SVIL: variants seen among roughly 807,000 people sequenced by gnomAD.
SVIL encodes supervillin.
In SVIL, 101 loss-of-function variants were observed where a neutral mutation model predicts 240.4. The ratio of observed to expected loss-of-function variants is 0.42; its 90% CI spans 0.36 to 0.50. The LOEUF (loss-of-function observed/expected upper bound fraction) is 0.50, where lower values mean the gene tolerates loss of function less well. Among genes scored for constraint, SVIL ranks in the 20% least tolerant of loss-of-function variants. The pLI is 0.01. For missense variants in SVIL, 2,512 were observed against 2,818.7 expected, an observed-to-expected ratio of 0.89 and a Z score of 2.46; for synonymous variants, 999 against 1,100.0, an observed-to-expected ratio of 0.91 and a Z score of 1.82.
chr10:29,527,778 T>C (rs1951040303), intron 12 of SVIL, among the ~76,000 whole-genome samples: 1 of 140,066 alleles, frequency 7.1e-6, no homozygotes, highest in South Asian at 2.4e-4. Flanking sequence ...CAGGCTGGAA[T>C]GCAGTGGCGC....
chr10:29,578,693 G>A (rs182485783), intron 1 of SVIL, among the ~76,000 whole-genome samples: 9 of 152,292 alleles, frequency 5.9e-5, no homozygotes, highest in Admixed American at 3.3e-4. Flanking sequence ...GAGACAGCAC[G>A]TGATGCACAC....
At chr10:29,476,330 C>A (rs1946190007) in intron 29 of SVIL, among the ~76,000 whole-genome samples, 1 of 152,198 alleles carries the variant, frequency 6.6e-6, no homozygotes, top group Admixed American at 6.5e-5. Context: ...AATACATATT[C>A]ACACTTAAAT....
intron 1 of SVIL, among the ~76,000 whole-genome samples, chr10:29,733,387 C>T (rs1964725928): frequency 2.0e-5 from 3 of 152,028 alleles, no homozygotes; most frequent in Non-Finnish European, 2.9e-5. Flanking sequence ...TGCAGTGATG[C>T]GATCATAGCT....
rs1310397542 is a variant in SVIL, at chr10:29,727,399, G to A, written c.-400+8352C>T. On this transcript the variant is annotated intron_variant, in intron 1 of 35. Transcript: ENST00000375400. ...CCTCCTCAGCCTCCCAAGTAGCTGG[G>A]ACTATAAGTGGGGACCTCCACACCA... is the stretch of plus-strand genomic sequence containing the variant. Among the ~76,000 whole-genome samples the A allele has an allele frequency of 2.0e-5, 3 of 151,956 alleles. No homozygotes were observed. The South Asian group carries it at 6.2e-4, about 32-fold the overall frequency.
intron 2 of SVIL, among the ~76,000 whole-genome samples, chr10:29,659,381 T>C (rs543875965): frequency 2.0e-5 from 3 of 152,334 alleles, no homozygotes; most frequent in African/African-American, 4.8e-5. Flanking sequence ...AGCACTTCCT[T>C]GTATTCTTAC....
intron 5 of SVIL, among the ~76,000 whole-genome samples, chr10:29,552,617 T>A (rs1457395397): frequency 6.6e-6 from 1 of 151,886 alleles, no homozygotes; most frequent in East Asian, 1.9e-4. Context: ...GAAGATATCA[T>A]TTAAGGGTCC....
chr10:29,496,026 A>C (rs1275627988), intron 18 of SVIL, among the ~76,000 whole-genome samples: 1 of 152,248 alleles, frequency 6.6e-6, no homozygotes, highest in African/African-American at 2.4e-5. Context: ...AAATCCTTAG[A>C]TGACATTGCC....
chr10:29,636,655 G>A (rs564720399), upstream of SVIL, among the ~76,000 whole-genome samples: 2 of 152,266 alleles, frequency 1.3e-5, no homozygotes, highest in South Asian at 4.1e-4. Flanking sequence ...GCCTGGCTTA[G>A]AAGACTCATC....
At chr10:29,535,933 G>A in intron 7 of SVIL, 56 bp downstream of exon 7, 1 of 1,565,906 alleles carries the variant, frequency 6.4e-7, no homozygotes. Flanking sequence ...TGTGTGGTCA[G>A]GCAGGAGGAA....
intron 16 of SVIL, among the ~76,000 whole-genome samples, chr10:29,513,468 A>G (rs1284005263): frequency 2.6e-5 from 4 of 152,146 alleles, no homozygotes; most frequent in Non-Finnish European, 4.4e-5. Flanking sequence ...CCTGGGAGGC[A>G]GAGGTTGCAG....
chr10:29,657,821 C>T (rs562091948), intron 3 of SVIL: 8 of 152,140 alleles, frequency 5.3e-5, no homozygotes, highest in Non-Finnish European at 1.2e-4. Context: ...TCACAGAGGC[C>T]GCTTTAATCT....
At chr10:29,736,328 C>G (rs1000015949), upstream of SVIL, among the ~76,000 whole-genome samples, 1 of 152,230 alleles carries the variant, frequency 6.6e-6, no homozygotes, top group South Asian at 2.1e-4. Flanking sequence ...AAGTTTGTGT[C>G]CTGTGTCTCA....
At chr10:29,680,821 A>G (rs1251488050) in intron 2 of SVIL, among the ~76,000 whole-genome samples, 1 of 152,186 alleles carries the variant, frequency 6.6e-6, no homozygotes, top group Admixed American at 6.5e-5. Flanking sequence ...CAGGAGGCTG[A>G]GGCAGGAGAA....
At chr10:29,620,350 G>A (rs1028094039) in intron 1 of SVIL, among the ~76,000 whole-genome samples, 2 of 151,692 alleles carry the variant, frequency 1.3e-5, no homozygotes, top group Admixed American at 1.3e-4. Flanking sequence ...AAGAGAGGAA[G>A]GGAAAGGGGG....
At chr10:29,578,487 C>G (rs1399924667) in intron 1 of SVIL, among the ~76,000 whole-genome samples, 1 of 152,184 alleles carries the variant, frequency 6.6e-6, no homozygotes, top group Non-Finnish European at 1.5e-5. Context: ...TCTAGATGGT[C>G]ACCAAGATCC....
At chr10:29,653,209 G>C (rs1958896456) in intron 3 of SVIL, among the ~76,000 whole-genome samples, 1 of 152,186 alleles carries the variant, frequency 6.6e-6, no homozygotes, top group Admixed American at 6.5e-5. Flanking sequence ...GGCCTGGTGG[G>C]AAGTGATTGG....
intron 1 of SVIL, among the ~76,000 whole-genome samples, chr10:29,689,866 T>C (rs1961370512): frequency 6.6e-6 from 1 of 152,106 alleles, no homozygotes; most frequent in Admixed American, 6.5e-5. Flanking sequence ...TGCAAAACTT[T>C]CCCCCAAATA....
At chr10:29,688,717 A>T (rs1409202791) in intron 1 of SVIL, among the ~76,000 whole-genome samples, 2 of 152,232 alleles carry the variant, frequency 1.3e-5, no homozygotes, top group African/African-American at 4.8e-5. Flanking sequence ...ACATAAAAAA[A>T]TCTCTGAAGT....
chr10:29,536,755 C>CA (rs1229242168), intron 6 of SVIL, among the ~76,000 whole-genome samples: 4 of 151,698 alleles, frequency 2.6e-5, no homozygotes, highest in Non-Finnish European at 5.9e-5. Flanking sequence ...ACTAAAAATA[C>CA]AAAAAATTAG....
Sources: gnomAD v4.1 joint callset for allele counts (sites outside exome capture counted in the v4.1 genomes callset) on GRCh38, gnomAD v4.1.1 for gene constraint, MANE v1.5 for transcripts, NCBI Gene and HGNC (gene_info 2026-07-23, HGNC 2026-07-21) for gene names.